The following FMO5 variants were observed in gnomAD, a reference collection of about 807,000 sequenced individuals.
FMO5 encodes the protein flavin-containing monooxygenase 5.
FMO5 carries 51 observed loss-of-function variants against 43.6 expected under a neutral mutation model. The ratio of observed to expected loss-of-function variants is 1.17; its 90% CI spans 0.93 to 1.48. The LOEUF (loss-of-function observed/expected upper bound fraction) is 1.48, where lower values mean the gene tolerates loss of function less well. Ranked by LOEUF, FMO5 falls within the 40% of genes most tolerant of loss-of-function variation. FMO5 has a pLI of 0.00. For missense variants in FMO5, 644 were observed against 643.0 expected, an observed-to-expected ratio of 1.00 and a Z score of -0.02; for synonymous variants, 187 against 216.5, an observed-to-expected ratio of 0.86 and a Z score of 1.20.
At chr1:147,222,397 G>A (rs1180044448) in intron 2 of FMO5, among the ~76,000 whole-genome samples, 1 of 152,146 alleles carries the variant, frequency 6.6e-6, no homozygotes, top group African/African-American at 2.4e-5. Context: ...GCAGGGGATG[G>A]AAGTTGGGGA....
chr1:147,221,329 G>T (rs1307170017), intron 2 of FMO5, among the ~76,000 whole-genome samples: 1 of 152,034 alleles, frequency 6.6e-6, no homozygotes, highest in Non-Finnish European at 1.5e-5. Flanking sequence ...ATTTAAAAAC[G>T]TATCATACTA....
Position 147,209,038 on chromosome 1 carries a change from G to A in FMO5, c.644C>T (p.Thr215Ile). ...SQTAKQVFLS[T>I]RRGAWILNRV... ...ATTCAGGATCCAAGCCCCTCTCCTG[G>A]TGCTGAGGAAAACCTGGGGCATGGA... is the stretch of plus-strand genomic sequence containing the variant. Residue 215 changes from threonine to isoleucine, a missense_variant, in exon 6 of 9, where the codon ACC becomes ATC. Coordinates refer to ENST00000254090, the MANE Select transcript of FMO5 (RefSeq NM_001461.4). 6.2e-7 allele frequency: 1 copy of A among 1,613,772 alleles called. No homozygotes were observed. The highest frequency in any genetic ancestry group is 8.5e-7 in the Non-Finnish European group (1 of 1,179,840).
upstream of FMO5, among the ~76,000 whole-genome samples, chr1:147,226,630 A>C (rs1297110199): frequency 6.6e-6 from 1 of 152,146 alleles, no homozygotes; most frequent in African/African-American, 2.4e-5. Context: ...AGGGGTTGTA[A>C]GAGGCATGGA....
chr1:147,220,081 A>G (rs201397126), intron 2 of FMO5, among the ~76,000 whole-genome samples: 1 of 151,994 alleles, frequency 6.6e-6, no homozygotes. Context: ...CTCGTGATCC[A>G]CCCACCTCGG....
At chr1:147,191,575 T>C (rs1173871953) in intron 7 of FMO5, among the ~76,000 whole-genome samples, 1 of 152,096 alleles carries the variant, frequency 6.6e-6, no homozygotes, top group Non-Finnish European at 1.5e-5. Flanking sequence ...TTGTAGATTC[T>C]GGATATTAGC....
At chr1:147,205,916 G>A (rs1241886252) in intron 6 of FMO5, among the ~76,000 whole-genome samples, 8 of 152,070 alleles carry the variant, frequency 5.3e-5, no homozygotes, top group African/African-American at 1.7e-4. Context: ...ATTGACAAAT[G>A]GGATCTAATT....
intron 2 of FMO5, among the ~76,000 whole-genome samples, chr1:147,222,124 C>G (rs1050783196): frequency 1.3e-5 from 2 of 152,200 alleles, no homozygotes; most frequent in Admixed American, 6.5e-5. Flanking sequence ...AATCCCCACA[C>G]CTTGGGAGGC....
chr1:147,214,706 C>T lies in FMO5; in HGVS notation c.324+1048G>A, dbSNP rs1000336950. On this transcript the variant is annotated intron_variant, in intron 3 of 8. Coordinates refer to ENST00000254090, the MANE Select transcript of FMO5 (RefSeq NM_001461.4). ...CCTGATGGGTTCAACATCTTTCCTC[C>T]GAGCTGCAACGTATAGATCTCTAGC... The T allele has an allele frequency of 7.9e-5, 12 of 152,100 alleles. No homozygotes were observed. The South Asian group carries it at 8.3e-4, about 11-fold the overall frequency. 9.4% of individuals were successfully genotyped at this position (152,100 alleles called of 1,614,324 possible). A position where few individuals can be genotyped will look rare whatever the true frequency, so the allele number is the denominator to read the frequency against.
intron 2 of FMO5, chr1:147,223,917 C>G (rs1553926895): frequency 2.7e-6 from 1 of 364,768 alleles, no homozygotes. Flanking sequence ...GAGAAGAAAG[C>G]TGCTAGCAAA....
chr1:147,216,511 A>G (rs972955816), intron 2 of FMO5, among the ~76,000 whole-genome samples: 3 of 152,254 alleles, frequency 2.0e-5, no homozygotes, highest in African/African-American at 7.2e-5. Context: ...TAACATCTCC[A>G]GCGTTTTCTG....
intron 6 of FMO5, among the ~76,000 whole-genome samples, chr1:147,206,671 C>A (rs770489561): frequency 9.9e-5 from 15 of 152,202 alleles, no homozygotes; most frequent in Non-Finnish European, 1.8e-4. Context: ...GGACAAAAAA[C>A]CAAACACTGC....
At chr1:147,189,598 A>G (rs1406148258) in intron 8 of FMO5, among the ~76,000 whole-genome samples, 1 of 152,164 alleles carries the variant, frequency 6.6e-6, no homozygotes, top group Non-Finnish European at 1.5e-5. Flanking sequence ...AAAAACACCC[A>G]GCGATTGAGC....
chr1:147,212,888 A>G (rs1313080170), intron 4 of FMO5, among the ~76,000 whole-genome samples: 1 of 152,104 alleles, frequency 6.6e-6, no homozygotes, highest in African/African-American at 2.4e-5. Context: ...ATATTCTTAT[A>G]TACTTTAGAG....
chr1:147,198,934 C>T (rs1180261055), intron 7 of FMO5, among the ~76,000 whole-genome samples: 1 of 150,948 alleles, frequency 6.6e-6, no homozygotes, highest in Non-Finnish European at 1.5e-5. Context: ...AACTTTAATG[C>T]CAGCCTATGA....
chr1:147,223,147 A>C (rs1663351411), intron 2 of FMO5, among the ~76,000 whole-genome samples: 1 of 152,206 alleles, frequency 6.6e-6, no homozygotes. Flanking sequence ...CTAGTAGGTG[A>C]CAGAAATAAG....
At chr1:147,209,803 A>G (rs1293762564) in intron 5 of FMO5, 1 of 152,210 alleles carries the variant, frequency 6.6e-6, no homozygotes, top group Non-Finnish European at 1.5e-5. Flanking sequence ...ATTAAAAATC[A>G]TGTACTGGTA....
chr1:147,198,942 T>C (rs1658514132), intron 7 of FMO5, among the ~76,000 whole-genome samples: 1 of 151,342 alleles, frequency 6.6e-6, no homozygotes, highest in Admixed American at 6.6e-5. Flanking sequence ...TGCCAGCCTA[T>C]GACATAATGA....
intron 3 of FMO5, chr1:147,215,032 T>G (rs1553924662): frequency 2.0e-5 from 3 of 152,168 alleles, no homozygotes. Flanking sequence ...GGTTTGGGCT[T>G]TTTGCCAGCT....
In FMO5 at chr1:147,215,767, T is replaced by C; in HGVS notation, c.311A>G (p.Tyr104Cys). Residue 104 changes from tyrosine (Y) to cysteine (C), a missense_variant, in exon 3 of 9, where the codon TAT becomes TGT. By Grantham distance (194) the Tyr-to-Cys change is radical (BLOSUM62 -2). Coordinates refer to ENST00000254090, the MANE Select transcript of FMO5 (RefSeq NM_001461.4). ...ACAATTTTCTACCTTAAATCGAATATACTTTAGAAGGTCAAATTCTTTGGC... is the reference window on the plus strand; with the variant it reads ...ACAATTTTCTACCTTAAATCGAATACACTTTAGAAGGTCAAATTCTTTGGC... ...MYAKEFDLLK[Y>C]IRFKTTVCSV... is the part of the protein sequence containing the mutation. 6.2e-7 allele frequency: 1 copy of C among 1,602,462 alleles called. No individual in the cohort carries two copies. Among genetic ancestry groups the C allele is most frequent in the Non-Finnish European group, 8.5e-7 (1 of 1,176,466 alleles).
Sources: gnomAD v4.1 joint callset for allele counts (sites outside exome capture counted in the v4.1 genomes callset) on GRCh38, gnomAD v4.1.1 for gene constraint, MANE v1.5 for transcripts, NCBI Gene and HGNC (gene_info 2026-07-23, HGNC 2026-07-21) for gene names.